EDA: variants seen among roughly 807,000 people sequenced by gnomAD.
EDA encodes ectodysplasin-A.
In EDA, 2 loss-of-function variants were observed where a neutral mutation model predicts 23.6. That is an observed-to-expected ratio of 0.08 (90% CI 0.03 to 0.27). The LOEUF (loss-of-function observed/expected upper bound fraction) is 0.27, where lower values mean the gene tolerates loss of function less well. Among genes scored for constraint, EDA ranks in the 10% least tolerant of loss-of-function variants. The pLI is 1.00. For synonymous variants in EDA, 131 were observed against 132.0 expected (o/e 0.99, Z 0.05); for missense variants, 229 against 324.2 (o/e 0.71, Z 2.26).
At chrX:69,733,773 T>G (rs1192917792) in intron 1 of EDA, among the ~76,000 whole-genome samples, 2 of 111,570 alleles carry the variant, frequency 1.8e-5, no homozygotes, top group African/African-American at 6.5e-5. Context: ...CCTCTTTTAT[T>G]TCACTGAGCA....
At chrX:69,617,337 C>A in intron 1 of EDA, 1 of 138,836 alleles carries the variant, frequency 7.2e-6, no homozygotes, top group Non-Finnish European at 1.5e-5. Context: ...AACTTCTGAA[C>A]AGCAATTTTA....
At chrX:69,697,251 CCT>C (rs1298187268) in intron 1 of EDA, among the ~76,000 whole-genome samples, 4 of 111,560 alleles carry the variant, frequency 3.6e-5, no homozygotes, top group Non-Finnish European at 7.5e-5. Context: ...ACCCTGACGG[CCT>C]CTCTCTCAGT....
intron 1 of EDA, among the ~76,000 whole-genome samples, chrX:69,826,377 G>A (rs1323838277): frequency 9.1e-6 from 1 of 109,316 alleles, no homozygotes; most frequent in Non-Finnish European, 1.9e-5. Flanking sequence ...ATGAATCTGG[G>A]TGCTCCTGTA....
intron 2 of EDA, among the ~76,000 whole-genome samples, chrX:69,996,731 C>T (rs927713080): frequency 8.9e-6 from 1 of 111,971 alleles, no homozygotes; most frequent in African/African-American, 3.3e-5. Context: ...CCACCCAAAT[C>T]TCATCTTGAA....
At chrX:69,999,737 G>A (rs1602596500) in intron 2 of EDA, among the ~76,000 whole-genome samples, 1 of 111,064 alleles carries the variant, frequency 9.0e-6, no homozygotes, top group East Asian at 2.8e-4. Context: ...CATAGAAAGA[G>A]AAATAATTCC....
At chrX:69,843,470 C>G (rs2016936261) in intron 1 of EDA, among the ~76,000 whole-genome samples, 2 of 111,773 alleles carry the variant, frequency 1.8e-5, no homozygotes, top group Non-Finnish European at 3.8e-5. Context: ...CCATTTCCCT[C>G]TTTAGTCATA....
intron 1 of EDA, among the ~76,000 whole-genome samples, chrX:69,938,253 C>T (rs1168497236): frequency 3.6e-5 from 4 of 110,905 alleles, no homozygotes; most frequent in Middle Eastern, 9.2e-3. Flanking sequence ...TGTCACTTTT[C>T]GCACCGCCTG....
intron 2 of EDA, among the ~76,000 whole-genome samples, chrX:69,962,830 C>T (rs545148601): frequency 9.8e-5 from 11 of 112,061 alleles, no homozygotes; most frequent in African/African-American, 3.6e-4. Flanking sequence ...CATTCACATT[C>T]CCTAATTTAT....
intron 1 of EDA, among the ~76,000 whole-genome samples, chrX:69,664,040 A>G (rs1163622191): frequency 8.9e-6 from 1 of 112,178 alleles, no homozygotes; most frequent in Non-Finnish European, 1.9e-5. Context: ...CATATGCAAA[A>G]GGGACTTGCC....
intron 1 of EDA, among the ~76,000 whole-genome samples, chrX:69,625,550 A>G (rs1026958170): frequency 2.7e-5 from 3 of 111,103 alleles, no homozygotes; most frequent in African/African-American, 9.8e-5. Flanking sequence ...ATTTTTGACA[A>G]AAGTACCAAG....
intron 1 of EDA, among the ~76,000 whole-genome samples, chrX:69,936,073 AT>A (rs1478891386): frequency 2.8e-5 from 3 of 108,103 alleles, no homozygotes; most frequent in African/African-American, 1.0e-4. Flanking sequence ...AAATCTCTCC[AT>A]TATTTACCTT....
At chrX:69,847,183 G>T (rs1403850771) in intron 1 of EDA, among the ~76,000 whole-genome samples, 1 of 111,449 alleles carries the variant, frequency 9.0e-6, no homozygotes, top group Non-Finnish European at 1.9e-5. Context: ...TACCTTTCTA[G>T]CACCAATGAG....
chrX:69,667,217 A>G (rs1161753726), intron 1 of EDA, among the ~76,000 whole-genome samples: 2 of 101,170 alleles, frequency 2.0e-5, no homozygotes, highest in Admixed American at 2.3e-4. Context: ...GGTTCATGCC[A>G]TTCTCCTGCC....
intron 1 of EDA, among the ~76,000 whole-genome samples, chrX:69,920,849 A>G (rs1250637823): frequency 8.9e-6 from 1 of 111,768 alleles, no homozygotes; most frequent in Non-Finnish European, 1.9e-5. Context: ...TGAACAGCCC[A>G]TGCTAAAGGA....
intron 1 of EDA, among the ~76,000 whole-genome samples, chrX:69,926,464 GT>G (rs762254141): frequency 4.0e-4 from 45 of 111,857 alleles, no homozygotes; most frequent in African/African-American, 1.4e-3. Context: ...TAATTGTGTG[GT>G]TTTCAGTGAG....
At chrX:69,798,574 C>T (rs192567697) in intron 1 of EDA, among the ~76,000 whole-genome samples, 63 of 111,102 alleles carry the variant, frequency 5.7e-4, no homozygotes, top group Admixed American at 5.6e-3. Flanking sequence ...ACCACTGAGC[C>T]AATGAAGAAA....
intron 1 of EDA, among the ~76,000 whole-genome samples, chrX:69,713,150 C>T (rs1383448328): frequency 9.0e-6 from 1 of 111,485 alleles, no homozygotes; most frequent in African/African-American, 3.3e-5. Context: ...CAACATGGCA[C>T]ATGTATACAT....
chrX:69,929,634 G>T lies in EDA; in HGVS notation c.397-27393G>T, dbSNP rs972390397. Among the ~76,000 whole-genome samples the T allele has an allele frequency of 2.8e-5, 3 of 108,951 alleles. No homozygotes were observed. The Admixed American group carries it at 3.0e-4, about 11-fold the overall frequency. 94.6% of individuals were successfully genotyped at this position (108,951 alleles called of 115,157 possible). The stretch of plus-strand genomic sequence containing the variant: ...CACCTACTGACAGTGGTCTGCCAAA[G>T]TCCAGGATGAATCTTCCTGGAGTGT... On this transcript the variant is annotated intron_variant, in intron 1 of 7. Transcript: ENST00000374552.
rs1303445772 is a variant in EDA, at chrX:69,769,919, G to T, written c.396+153215G>T. Among the ~76,000 whole-genome samples the T allele has an allele frequency of 2.7e-5, 3 of 111,090 alleles. No individual in the cohort carries two copies. The East Asian group carries it at 8.4e-4, about 31-fold the overall frequency. On this transcript the variant is annotated intron_variant, in intron 1 of 7. Transcript: ENST00000374552. ...TGTAAAAAGGCAACATGATGGGATTGAAAGTGTGGGATTGAACTCATAGCA... is the reference window on the plus strand; with the variant it reads ...TGTAAAAAGGCAACATGATGGGATTTAAAGTGTGGGATTGAACTCATAGCA...
Sources: gnomAD v4.1 joint callset for allele counts (sites outside exome capture counted in the v4.1 genomes callset) on GRCh38, gnomAD v4.1.1 for gene constraint, MANE v1.5 for transcripts, NCBI Gene and HGNC (gene_info 2026-07-23, HGNC 2026-07-21) for gene names.